Variants in SGCD observed in about 807,000 individuals in gnomAD.
SGCD encodes delta-sarcoglycan.
In SGCD, 18 loss-of-function variants were observed where a neutral mutation model predicts 36.6. That is an observed-to-expected ratio of 0.49 (90% CI 0.34 to 0.73). The LOEUF is 0.73. Among genes scored for constraint, SGCD ranks in the 30% least tolerant of loss-of-function variants. The pLI, the probability that SGCD is intolerant of heterozygous loss-of-function variation, is 0.01. For synonymous variants in SGCD, 133 were observed against 130.6 expected (o/e 1.02, Z -0.12); for missense variants, 387 against 346.7 (o/e 1.12, Z -0.92).
chr5:155,789,994 A>G, the SGCD span, among the ~76,000 whole-genome samples: 1 of 152,020 alleles, frequency 6.6e-6, no homozygotes, highest in African/African-American at 2.4e-5. Flanking sequence ...TGTGTTTTGT[A>G]CTTTGCATGA....
intron 3 of SGCD, among the ~76,000 whole-genome samples, chr5:156,359,487 A>G (rs553130036): frequency 6.6e-6 from 1 of 152,334 alleles, no homozygotes; most frequent in South Asian, 2.1e-4. Flanking sequence ...GAGAAAATTA[A>G]TCTAGAGAAG....
intron 7 of SGCD, among the ~76,000 whole-genome samples, chr5:156,692,393 G>A (rs559816848): frequency 6.6e-6 from 1 of 152,326 alleles, no homozygotes; most frequent in South Asian, 2.1e-4. Context: ...TCCTGCATCA[G>A]CAGCATGATG....
At chr5:156,143,065 G>A (rs1762614818) in intron 3 of SGCD, among the ~76,000 whole-genome samples, 1 of 152,158 alleles carries the variant, frequency 6.6e-6, no homozygotes, top group African/African-American at 2.4e-5. Flanking sequence ...GGTTCCATGG[G>A]CCAGTTCCAA....
intron 7 of SGCD, among the ~76,000 whole-genome samples, chr5:156,667,315 T>A (rs1360228138): frequency 1.3e-5 from 2 of 152,190 alleles, no homozygotes; most frequent in African/African-American, 4.8e-5. Context: ...CTGTAGGTAC[T>A]TGGTATGTGG....
chr5:155,867,138 A>T (rs1474537439), upstream of SGCD, among the ~76,000 whole-genome samples: 3 of 152,170 alleles, frequency 2.0e-5, no homozygotes, highest in Non-Finnish European at 2.9e-5. Flanking sequence ...TTAGGCTTTT[A>T]AACAGATCAC....
intron 7 of SGCD, among the ~76,000 whole-genome samples, chr5:156,707,837 C>T (rs553880575): frequency 5.3e-5 from 8 of 152,130 alleles, no homozygotes; most frequent in Non-Finnish European, 1.2e-4. Flanking sequence ...CTAAGTTTGG[C>T]TCTGCTAGTA....
intron 3 of SGCD, among the ~76,000 whole-genome samples, chr5:156,369,985 T>C (rs895748616): frequency 6.6e-6 from 1 of 152,194 alleles, no homozygotes; most frequent in African/African-American, 2.4e-5. Context: ...ACAAGAGCTA[T>C]TACAGGTTGT....
chr5:155,906,828 C>T (rs1756523662), intron 1 of SGCD, among the ~76,000 whole-genome samples: 1 of 128,460 alleles, frequency 7.8e-6, no homozygotes, highest in South Asian at 2.4e-4. Flanking sequence ...GATGCAGAAG[C>T]TGCAGCAAAT....
intron 4 of SGCD, among the ~76,000 whole-genome samples, chr5:156,518,118 A>AT (rs1476328781): frequency 6.6e-6 from 1 of 152,228 alleles, no homozygotes; most frequent in East Asian, 1.9e-4. Context: ...AGACACACAA[A>AT]GGCTAAAAAT....
At chr5:156,268,994 G>A (rs1042671350) in intron 3 of SGCD, among the ~76,000 whole-genome samples, 15 of 152,016 alleles carry the variant, frequency 9.9e-5, no homozygotes, top group African/African-American at 3.4e-4. Flanking sequence ...GTATTAGTCT[G>A]TTTCCAAGAT....
chr5:156,381,537 G>A (rs964656795), intron 3 of SGCD, among the ~76,000 whole-genome samples: 1 of 152,094 alleles, frequency 6.6e-6, no homozygotes, highest in Non-Finnish European at 1.5e-5. Context: ...TATAAATGTA[G>A]TACTTTGTTC....
chr5:156,534,759 A>C (rs994628528), intron 4 of SGCD, among the ~76,000 whole-genome samples: 2 of 152,212 alleles, frequency 1.3e-5, no homozygotes, highest in Non-Finnish European at 2.9e-5. Flanking sequence ...CAGTCTCTCT[A>C]TCCGTAATAT....
chr5:156,367,421 TGAGAG>T (rs1430634451), intron 3 of SGCD, among the ~76,000 whole-genome samples: 1 of 152,180 alleles, frequency 6.6e-6, no homozygotes, highest in African/African-American at 2.4e-5. Context: ...TTCCAAACCT[TGAGAG>T]GAAAGGGTAG....
At chr5:156,372,929 C>T (rs920779791) in intron 3 of SGCD, among the ~76,000 whole-genome samples, 2 of 145,264 alleles carry the variant, frequency 1.4e-5, no homozygotes, top group African/African-American at 5.7e-5. Context: ...TCATGTACTC[C>T]TTTGCCTTTG....
At chr5:156,461,789 C>T (rs1350687476) in intron 3 of SGCD, among the ~76,000 whole-genome samples, 1 of 152,120 alleles carries the variant, frequency 6.6e-6, no homozygotes. Flanking sequence ...CTCACACTTA[C>T]TCATTTGACT....
chr5:156,486,497 G>A (rs1480132135), intron 3 of SGCD, among the ~76,000 whole-genome samples: 2 of 152,002 alleles, frequency 1.3e-5, no homozygotes, highest in Admixed American at 6.5e-5. Flanking sequence ...GAAACCTGAG[G>A]ATCTCCTCTG....
intron 1 of SGCD, among the ~76,000 whole-genome samples, chr5:156,056,729 C>T (rs960232898): frequency 1.4e-5 from 2 of 142,752 alleles, no homozygotes. Context: ...ATTTAGCCAG[C>T]TGAGCGTGAA....
chr5:156,413,842 AT>A (rs75667204), intron 3 of SGCD, among the ~76,000 whole-genome samples: 5,791 of 147,700 alleles, frequency 0.039, 224 homozygotes, highest in East Asian at 0.16. Context: ...TGGGAAAAGG[AT>A]TTTTTTTTTT....
intron 3 of SGCD, among the ~76,000 whole-genome samples, chr5:156,132,581 G>A (rs967293805): frequency 3.0e-4 from 43 of 143,468 alleles, no homozygotes; most frequent in Non-Finnish European, 5.2e-4. Context: ...CCATTCTTCT[G>A]CCTCAGCCTC....
Sources: allele counts gnomAD v4.1 joint callset (sites outside exome capture counted in the v4.1 genomes callset), GRCh38; gene constraint gnomAD v4.1.1; transcripts MANE v1.5; gene names NCBI Gene and HGNC (gene_info 2026-07-23, HGNC 2026-07-21).